The following SPEG variants were observed in gnomAD, a reference collection of about 807,000 sequenced individuals.
SPEG encodes the protein striated muscle preferentially expressed protein kinase.
In SPEG, 114 loss-of-function variants were observed where a neutral mutation model predicts 300.4. That is an observed-to-expected ratio of 0.38 (90% CI 0.33 to 0.44). The LOEUF (loss-of-function observed/expected upper bound fraction) is 0.44. SPEG is among the 20% of genes least tolerant of loss of function. SPEG has a pLI of 1.00. For synonymous variants in SPEG, 1,964 were observed against 2,018.9 expected (o/e 0.97, Z 0.73); for missense variants, 4,201 against 4,586.2 (o/e 0.92, Z 2.43).
In SPEG at chr2:219,478,574, C is replaced by G. The variant is rs532569049; in HGVS notation, c.5027+469C>G. Among the ~76,000 whole-genome samples the G allele has an allele frequency of 2.0e-5, 3 of 152,308 alleles. No individual in the cohort carries two copies. In the South Asian group the frequency reaches 6.2e-4, roughly 32 times the overall value. ...ATTTAGAGGCTGTTTTCATAAGGAACAGATTTTACCCTTTCATGAAGGCTG... is the reference window on the plus strand; with the variant it reads ...ATTTAGAGGCTGTTTTCATAAGGAAGAGATTTTACCCTTTCATGAAGGCTG... On this transcript the variant is annotated intron_variant, in intron 22 of 40. Coordinates refer to ENST00000312358, the MANE Select transcript of SPEG (RefSeq NM_005876.5).
chr2:219,486,675 C>G (rs913310279), intron 31 of SPEG, among the ~76,000 whole-genome samples: 4 of 152,144 alleles, frequency 2.6e-5, no homozygotes, highest in Admixed American at 6.5e-5. Flanking sequence ...ATCCGCTCCC[C>G]GTTCCCTGCA....
Position 219,480,245 on chromosome 2 carries a change from G to C in SPEG, c.5342+105G>C. The C allele has an allele frequency of 7.8e-7, 1 of 1,285,182 alleles. No homozygotes were observed. The highest frequency in any genetic ancestry group is 1.1e-6 in the Non-Finnish European group (1 of 916,650). The allele number at this position is 1,285,182 out of a possible 1,614,324, so 79.6% of individuals were successfully genotyped here. ...GATTTACCGAGCCTGAATTCCTCCTGAAGGTGGGCTGGAGGCATTGTTTGC... is the reference window on the plus strand; with the variant it reads ...GATTTACCGAGCCTGAATTCCTCCTCAAGGTGGGCTGGAGGCATTGTTTGC... On this transcript the variant is annotated intron_variant, in intron 25 of 40. Coordinates refer to ENST00000312358, the MANE Select transcript of SPEG (RefSeq NM_005876.5). The surrounding 1 kb of genome is among the most constrained non-coding windows in gnomAD (Gnocchi z 5.3).
chr2:219,487,832 C>T (rs1461411228), intron 31 of SPEG, among the ~76,000 whole-genome samples: 2 of 152,208 alleles, frequency 1.3e-5, no homozygotes, highest in Non-Finnish European at 2.9e-5. Context: ...AGGATCTTAA[C>T]CATTATAGTT....
chr2:219,484,497 T>A lies in SPEG; in HGVS notation c.7034T>A (p.Leu2345Gln), dbSNP rs1398960132. Residue 2345 changes from leucine (L) to glutamine (Q), a missense_variant, in exon 30 of 41, where the codon CTG (leucine) becomes CAG (glutamine). Transcript: ENST00000312358. ...AKFKRSRESP[L>Q]SLGLRLLSRS... ...TTCAAGCGCAGCCGCGAGTCGCCCC[T>A]GTCGCTGGGGCTGCGGCTGCTGAGC... The A allele has an allele frequency of 1.2e-6, 2 of 1,606,946 alleles. No individual in the cohort carries two copies. The highest frequency in any genetic ancestry group is 1.7e-6 in the Non-Finnish European group (2 of 1,178,428).
chr2:219,490,669 A>C (rs760425815), intron 37 of SPEG, 21 bp downstream of exon 37: 2 of 1,609,092 alleles, frequency 1.2e-6, no homozygotes, highest in Non-Finnish European at 1.7e-6. Context: ...ATTCTAGGGG[A>C]GTAGGGAGGA....
chr2:219,478,654 C>T (rs1480024387), intron 22 of SPEG, among the ~76,000 whole-genome samples: 1 of 152,180 alleles, frequency 6.6e-6, no homozygotes, highest in Admixed American at 6.5e-5. Flanking sequence ...CTCATCACCC[C>T]AGTAGCAGGG....
intron 8 of SPEG, among the ~76,000 whole-genome samples, chr2:219,463,088 TAG>T (rs1237537090): frequency 6.6e-6 from 1 of 151,800 alleles, no homozygotes; most frequent in Non-Finnish European, 1.5e-5. Context: ...TACATGCCTG[TAG>T]ACCCAGCTAC....
chr2:219,480,548 C>A lies in SPEG; in HGVS notation c.5343-123C>A. 1.0e-6 allele frequency: 1 copy of A among 981,262 alleles called. No individual in the cohort carries two copies. The allele number at this position is 981,262 out of a possible 1,614,324, so 60.8% of individuals were successfully genotyped here. On this transcript the variant is annotated intron_variant, in intron 25 of 40. Transcript: ENST00000312358. This position sits in a 1 kb window ranked among gnomAD's most constrained non-coding sequence, Gnocchi z 5.3. ...CTCCCTGAAGAAGCCACTCCTGTGCCCATTGTCCATGGCAGTGTTCCCAGG... is the reference window on the plus strand; with the variant it reads ...CTCCCTGAAGAAGCCACTCCTGTGCACATTGTCCATGGCAGTGTTCCCAGG...
rs367920348 is a variant in SPEG at position 219,468,628 on chromosome 2, C to T, written c.3193C>T (p.Leu1065=). The part of the protein sequence containing the change: ...RLTVRPSLAP[L]FTRLLEDVEV... The stretch of plus-strand genomic sequence containing the variant: ...GACCGTGCGGCCCTCGTTGGCACCC[C>T]TGTTCACACGGCTGCTGGAAGATGT... The change falls in exon 11 of 41, where the codon CTG becomes TTG. Residue 1065 remains leucine, a synonymous_variant. Coordinates refer to ENST00000312358, the MANE Select transcript of SPEG (RefSeq NM_005876.5). 6.2e-6 allele frequency: 10 copies of T among 1,613,898 alleles called. No homozygotes were observed. The African/African-American group carries it at 1.2e-4, about 19-fold the overall frequency.
chr2:219,486,569 C>T (rs1264108949), intron 31 of SPEG, among the ~76,000 whole-genome samples: 2 of 152,156 alleles, frequency 1.3e-5, no homozygotes, highest in Non-Finnish European at 2.9e-5. Context: ...GCAGAGAGGC[C>T]TGGGGACAGC....
At position 219,449,204 on chromosome 2, in the gene SPEG, C is replaced by T. The variant is rs1689552356; in HGVS notation, c.2046C>T (p.Pro682=). Residue 682 remains proline, a synonymous_variant, in exon 4 of 41, where the codon CCC becomes CCT. Coordinates refer to ENST00000312358, the MANE Select transcript of SPEG (RefSeq NM_005876.5). ...CGGAGGAGGACGGTCCCTGGGGGCC[C>T]TGGGACCGCCGAGGGGCCCGCAGCC... The part of the protein sequence containing the change: ...RGPEEDGPWG[P]WDRRGARSQG... The T allele has an allele frequency of 2.2e-6, 3 of 1,394,016 alleles. No homozygotes were observed. Among genetic ancestry groups the T allele is most frequent in the Admixed American group, 3.7e-5 (1 of 27,140 alleles). The allele number at this position is 1,394,016 out of a possible 1,614,324, so 86.4% of individuals were successfully genotyped here.
At position 219,448,972 on chromosome 2, in the gene SPEG, A is replaced by G. The variant is rs1231653413; in HGVS notation, c.1814A>G (p.Gln605Arg). ...QFPLTRSRAI[Q>R]ECRSPVPPPA... ...CCGCTGACCCGGAGCAGAGCCATCC[A>G]GGAGTGCAGGAGCCCTGTGCCGCCC... is the stretch of plus-strand genomic sequence containing the variant. The change falls in exon 4 of 41, where the codon CAG becomes CGG. Residue 605 changes from glutamine (Q) to arginine (R), a missense_variant. Physicochemically the swap from Gln to Arg is conservative, Grantham distance 43 (BLOSUM62 1). Around this residue, in one of 4 missense-constraint regions of SPEG, gnomAD observed 1,258 missense variants for 1,293.9 expected, o/e 0.97. Coordinates refer to ENST00000312358, the MANE Select transcript of SPEG (RefSeq NM_005876.5). 4.0e-6 allele frequency: 6 copies of G among 1,509,088 alleles called. No homozygotes were observed. Among genetic ancestry groups the G allele is most frequent in the Non-Finnish European group, 5.3e-6 (6 of 1,132,196 alleles). 93.5% of individuals were successfully genotyped at this position (1,509,088 alleles called of 1,614,324 possible).
chr2:219,466,848 T>C, intron 9 of SPEG: 1 of 1,129,762 alleles, frequency 8.9e-7, no homozygotes, highest in Non-Finnish European at 1.1e-6. Context: ...TCAAATAAAG[T>C]CCAGTTTGTA....
Position 219,479,018 on chromosome 2 carries a change from C to T in SPEG, c.5028-126C>T. On this transcript the variant is annotated intron_variant, in intron 22 of 40. Transcript: ENST00000312358. This position sits in a 1 kb window ranked among gnomAD's most constrained non-coding sequence, Gnocchi z 5.5. ...ACACGTGGAGGAGCGGAGAGGCAGT[C>T]TCTGGCTAGTATCAAGCATTCTGTA... is the stretch of plus-strand genomic sequence containing the variant. 1.3e-6 allele frequency: 1 copy of T among 791,794 alleles called. No individual in the cohort carries two copies. The highest frequency in any genetic ancestry group is 2.1e-6 in the Non-Finnish European group (1 of 470,858). The allele number at this position is 791,794 out of a possible 1,614,324, so 49.0% of individuals were successfully genotyped here. A position where few individuals can be genotyped will look rare whatever the true frequency, so the allele number is the denominator to read the frequency against.
chr2:219,436,791 T>A (rs543200315), intron 1 of SPEG, among the ~76,000 whole-genome samples: 115 of 152,072 alleles, frequency 7.6e-4, no homozygotes, highest in Non-Finnish European at 1.4e-3. Context: ...GATCAGGGGA[T>A]GGGGTGCATT....
rs1237441564 is a variant in SPEG, at chr2:219,480,059, A to T, written c.5261A>T (p.Gln1754Leu). ...NAQELTPGEP[Q>L]YCQYGTPEFV... ...CAGGAGCTGACTCCAGGAGAGCCCC[A>T]GTACTGCCAGTATGGCACACCTGAG... Residue 1754 changes from glutamine (Q) to leucine (L), a missense_variant, in exon 25 of 41, where the codon CAG becomes CTG. This residue lies in a region of SPEG where 1,047 missense variants were observed against 1,356.8 expected (regional missense o/e 0.77). Transcript: ENST00000312358. The surrounding 1 kb of genome is among the most constrained non-coding windows in gnomAD (Gnocchi z 5.3). 1 of 1,614,058 alleles carries T rather than the reference A, an allele frequency of 6.2e-7. No individual in the cohort carries two copies. Among genetic ancestry groups the T allele is most frequent in the Non-Finnish European group, 8.5e-7 (1 of 1,180,010 alleles).
rs185878080 is a variant in SPEG, at chr2:219,469,492, G to A, written c.3715+113G>A. The A allele has an allele frequency of 1.6e-4, 137 of 881,268 alleles. 1 individual carries two copies. In the Middle Eastern group the frequency reaches 8.3e-3, roughly 54 times the overall value. 54.6% of individuals were successfully genotyped at this position (881,268 alleles called of 1,614,324 possible). On this transcript the variant is annotated intron_variant, in intron 13 of 40. Transcript: ENST00000312358. The stretch of plus-strand genomic sequence containing the variant: ...GCCTTTCCTCTGTAGCCTGACCAGG[G>A]ACAGGGTGCCTGGGGGAAGGGAACC...
rs926237228 is a variant in SPEG, at chr2:219,485,356, A to G, written c.7620A>G (p.Glu2540=). 2.5e-6 allele frequency: 4 copies of G among 1,605,732 alleles called. No individual in the cohort carries two copies. In the African/African-American group the frequency reaches 5.4e-5, roughly 22 times the overall value. The change falls in exon 31 of 41, where the codon GAA becomes GAG. Residue 2540 remains glutamate, a synonymous_variant. Transcript: ENST00000312358. ...CCTGAGTCTTCACAGCCCCAGGGGAAAGCCGAAGCCGGCTCCGCTGGGGCT... is the reference window on the plus strand; with the variant it reads ...CCTGAGTCTTCACAGCCCCAGGGGAGAGCCGAAGCCGGCTCCGCTGGGGCT... ...SATSGSSAPG[E]SRSRLRWGFS... is the part of the protein sequence containing the mutation.
Position 219,490,940 on chromosome 2 carries a change from C to T in SPEG, c.9369C>T (p.Gly3123=). The T allele has an allele frequency of 6.2e-7, 1 of 1,612,766 alleles. No homozygotes were observed. Among genetic ancestry groups the T allele is most frequent in the Non-Finnish European group, 8.5e-7 (1 of 1,179,642 alleles). The change falls in exon 38 of 41, where the codon GGC becomes GGT. Residue 3123 remains glycine (G), a synonymous_variant. Transcript: ENST00000312358. The part of the protein sequence containing the change: ...QALRPLGHRT[G]TLEFMAPEMV... Reference sequence around the variant, plus strand: ...TTAGGCCCCTTGGCCACCGCACGGGCACGCTGGAGTTCATGGGTGAGGGGA... The same window carrying T: ...TTAGGCCCCTTGGCCACCGCACGGGTACGCTGGAGTTCATGGGTGAGGGGA...
Sources: allele counts gnomAD v4.1 joint callset (sites outside exome capture counted in the v4.1 genomes callset), GRCh38; gene constraint gnomAD v4.1.1; regional missense constraint gnomAD v4.1.1; non-coding constraint Gnocchi (gnomAD v3.1); transcripts MANE v1.5; gene names NCBI Gene and HGNC (gene_info 2026-07-23, HGNC 2026-07-21).